The following INTS15 variants were observed in gnomAD, a reference collection of about 807,000 sequenced individuals.
INTS15 encodes the protein integrator complex subunit 15.
chr7:6,599,090 C>T, the INTS15 span, among the ~76,000 whole-genome samples: 1 of 152,240 alleles, frequency 6.6e-6, no homozygotes, highest in South Asian at 2.1e-4. Flanking sequence ...CATATACTTT[C>T]GACGAGTCCT....
chr7:6,598,020 G>A, the INTS15 span, among the ~76,000 whole-genome samples: 23 of 152,334 alleles, frequency 1.5e-4, no homozygotes, highest in East Asian at 4.4e-3. Flanking sequence ...ATGCCAACGT[G>A]TATGATGAGG....
chr7:6,595,122 CCAAGGCT>C, the INTS15 span, among the ~76,000 whole-genome samples: 2 of 152,148 alleles, frequency 1.3e-5, no homozygotes, highest in Non-Finnish European at 2.9e-5. Flanking sequence ...GTCTCTGCCC[CCAAGGCT>C]CAAGTGTTTC....
the INTS15 span, among the ~76,000 whole-genome samples, chr7:6,604,822 G>C: frequency 6.6e-6 from 1 of 152,204 alleles, no homozygotes; most frequent in African/African-American, 2.4e-5. Flanking sequence ...CAAGGGAGGA[G>C]CCGGGGCAGA....
chr7:6,602,563 G>A, the INTS15 span: 3 of 420,724 alleles, frequency 7.1e-6, no homozygotes, highest in African/African-American at 2.0e-5. Flanking sequence ...GCGCGGCCCT[G>A]TCTGGGATTG....
chr7:6,604,193 C>T, the INTS15 span, among the ~76,000 whole-genome samples: 4 of 152,160 alleles, frequency 2.6e-5, no homozygotes, highest in African/African-American at 9.7e-5. Context: ...CCTCCCACCT[C>T]AGCCTCCCAA....
chr7:6,593,534 C>T, the INTS15 span, among the ~76,000 whole-genome samples: 1 of 151,656 alleles, frequency 6.6e-6, no homozygotes, highest in African/African-American at 2.4e-5. Context: ...CGGGGTTTCA[C>T]TGTGTTAGCC....
chr7:6,593,998 TAAC>T, the INTS15 span, among the ~76,000 whole-genome samples: 4 of 124,094 alleles, frequency 3.2e-5, no homozygotes, highest in East Asian at 4.4e-4. Context: ...TGTAAGCCTT[TAAC>T]TTTTTTTTTT....
At chr7:6,601,074 C>A in the INTS15 span, among the ~76,000 whole-genome samples, 1 of 151,736 alleles carries the variant, frequency 6.6e-6, no homozygotes, top group Non-Finnish European at 1.5e-5. Flanking sequence ...CTCAGGCAAT[C>A]CTCCTCCCTC....
chr7:6,602,342 TGA>T, the INTS15 span: 1 of 548,386 alleles, frequency 1.8e-6, no homozygotes, highest in Non-Finnish European at 3.2e-6. Context: ...TGGTAGTCTG[TGA>T]GAGAGGCCAG....
chr7:6,602,296 CAAG>C, the INTS15 span: 3 of 596,058 alleles, frequency 5.0e-6, no homozygotes, highest in Non-Finnish European at 8.8e-6. Context: ...GAATGGAACT[CAAG>C]TAGAAAGTAA....
At chr7:6,608,285 C>T in the INTS15 span, 2 of 1,459,108 alleles carry the variant, frequency 1.4e-6, no homozygotes, top group South Asian at 1.4e-5. Context: ...CCGGCAGAAC[C>T]GTCTTGGTGT....
chr7:6,608,557 C>T, the INTS15 span: 1 of 1,097,690 alleles, frequency 9.1e-7, no homozygotes, highest in Non-Finnish European at 1.1e-6. Context: ...TGGGCTCCTT[C>T]TGCAGCCCCG....
chr7:6,593,331 T>G, the INTS15 span, among the ~76,000 whole-genome samples: 1 of 145,828 alleles, frequency 6.9e-6, no homozygotes, highest in African/African-American at 2.5e-5. Context: ...GTGCGGTGGT[T>G]TTTTTTTTTT....
chr7:6,590,471 C>G, the INTS15 span: 9 of 1,586,430 alleles, frequency 5.7e-6, no homozygotes, highest in South Asian at 3.4e-5. Flanking sequence ...AGCGCGCAGC[C>G]CAAGGTGCGG....
At chr7:6,590,081 C>T in the INTS15 span, 1 of 335,330 alleles carries the variant, frequency 3.0e-6, no homozygotes, top group African/African-American at 2.2e-5. Context: ...GCGCCGCAGT[C>T]GGACCTTCGG....
At chr7:6,597,839 T>C in the INTS15 span, among the ~76,000 whole-genome samples, 1 of 152,222 alleles carries the variant, frequency 6.6e-6, no homozygotes, top group Non-Finnish European at 1.5e-5. Context: ...CTGAAACCGC[T>C]GTTGGGCACT....
the INTS15 span, among the ~76,000 whole-genome samples, chr7:6,599,466 G>T: frequency 0.31 from 47,312 of 152,094 alleles, 7,547 homozygotes; most frequent in Admixed American, 0.39. Flanking sequence ...ACTCAGGGAA[G>T]GGGTGACGTG....
At chr7:6,608,055 G>C in the INTS15 span, 1 of 1,598,914 alleles carries the variant, frequency 6.3e-7, no homozygotes, top group Middle Eastern at 2.3e-4. Context: ...CCCCCGCTGG[G>C]CTACGGGGCT....
the INTS15 span, among the ~76,000 whole-genome samples, chr7:6,607,082 G>C: frequency 6.6e-6 from 1 of 152,048 alleles, no homozygotes; most frequent in South Asian, 2.1e-4. The surrounding 1 kb of genome is among the most constrained non-coding windows in gnomAD (Gnocchi z 6.0). Context: ...GCCTCGGCTG[G>C]GGGAGCTGGG....
Sources: allele counts gnomAD v4.1 joint callset (sites outside exome capture counted in the v4.1 genomes callset), GRCh38; gene constraint gnomAD v4.1.1; non-coding constraint Gnocchi (gnomAD v3.1); transcripts MANE v1.5; gene names NCBI Gene and HGNC (gene_info 2026-07-23, HGNC 2026-07-21).